Variants in UTRN observed in about 807,000 individuals in gnomAD.
The protein encoded by UTRN is dystrophin-related protein 1.
A neutral mutation model predicts 463.9 loss-of-function variants in UTRN; 283 were observed. That is an observed-to-expected ratio of 0.61 (90% CI 0.55 to 0.67). The LOEUF (loss-of-function observed/expected upper bound fraction) is 0.67. Ranked by LOEUF, UTRN falls within the 30% of genes least tolerant of loss-of-function variation. The pLI is 0.00. For missense variants in UTRN, 3,922 were observed against 4,084.3 expected (o/e 0.96, Z 1.08); for synonymous variants, 1,442 against 1,431.5 (o/e 1.01, Z -0.17).
chr6:144,351,996 T>A (rs1778151581), intron 2 of UTRN, among the ~76,000 whole-genome samples: 1 of 152,220 alleles, frequency 6.6e-6, no homozygotes, highest in Non-Finnish European at 1.5e-5. Context: ...AGTTAGTCAC[T>A]TGGCTTCTGC....
intron 58 of UTRN, among the ~76,000 whole-genome samples, chr6:144,771,580 C>A (rs949789191): frequency 6.6e-6 from 1 of 151,584 alleles, no homozygotes. Context: ...CACCCACCAC[C>A]ATACCTGGCT....
Position 144,836,409 on chromosome 6 carries a change from T to C in UTRN, c.9933T>C (p.Asp3311=). The C allele has an allele frequency of 6.2e-7, 1 of 1,613,346 alleles. No individual in the cohort carries two copies. The highest frequency in any genetic ancestry group is 8.5e-7 in the Non-Finnish European group (1 of 1,179,680). Residue 3311 remains aspartate (D), a synonymous_variant, in exon 71 of 75, where the codon GAT becomes GAC. Coordinates refer to ENST00000367545, the MANE Select transcript of UTRN (RefSeq NM_007124.3). The part of the protein sequence containing the change: ...SIISPHHTSE[D]SELIAEAKLL... Reference sequence around the variant, plus strand: ...TATCTCCCCATCACACGTCTGAGGATTCAGAACTTATAGCAGAAGCAAAAC... The same window carrying C: ...TATCTCCCCATCACACGTCTGAGGACTCAGAACTTATAGCAGAAGCAAAAC...
chr6:144,582,713 T>C (rs1802085124), intron 51 of UTRN, among the ~76,000 whole-genome samples: 1 of 152,236 alleles, frequency 6.6e-6, no homozygotes. Context: ...TCTAATGGCT[T>C]TCCTTCTAGG....
chr6:144,692,537 C>T (rs972029767), intron 52 of UTRN, among the ~76,000 whole-genome samples: 5 of 152,190 alleles, frequency 3.3e-5, no homozygotes, highest in African/African-American at 1.2e-4. Flanking sequence ...TTTTTCTCCT[C>T]AACCTTGTCA....
At chr6:144,827,946 G>C (rs1380709056) in intron 68 of UTRN, among the ~76,000 whole-genome samples, 1 of 152,170 alleles carries the variant, frequency 6.6e-6, no homozygotes, top group African/African-American at 2.4e-5. Flanking sequence ...GCAGGATTTA[G>C]ATGGTGTAAC....
chr6:144,609,561 G>A (rs1306070200), intron 51 of UTRN, among the ~76,000 whole-genome samples: 1 of 152,096 alleles, frequency 6.6e-6, no homozygotes, highest in Non-Finnish European at 1.5e-5. Flanking sequence ...AGAAACTTTG[G>A]ACTTGAATTG....
intron 54 of UTRN, among the ~76,000 whole-genome samples, chr6:144,732,480 G>A (rs1028693116): frequency 4.6e-5 from 7 of 151,662 alleles, no homozygotes; most frequent in Admixed American, 2.6e-4. Context: ...TGTGCAACAC[G>A]TAGTATTTGC....
chr6:144,747,179 A>T (rs1790848612), intron 54 of UTRN, among the ~76,000 whole-genome samples: 1 of 152,210 alleles, frequency 6.6e-6, no homozygotes, highest in Admixed American at 6.5e-5. Flanking sequence ...TGCTAATGTG[A>T]TGTGTACTGA....
intron 2 of UTRN, among the ~76,000 whole-genome samples, chr6:144,308,347 A>T (rs761558125): frequency 5.3e-5 from 8 of 151,756 alleles, no homozygotes; most frequent in Non-Finnish European, 1.0e-4. Flanking sequence ...TAAGCGTCCC[A>T]TTTTTTCGGT....
chr6:144,802,966 A>C (rs1314176195), intron 64 of UTRN, 70 bp from the exon 65 acceptor site: 2 of 1,135,868 alleles, frequency 1.8e-6, no homozygotes, highest in Non-Finnish European at 2.4e-6. Flanking sequence ...GGATGAATGA[A>C]ATTTCTTACC....
At chr6:144,292,339 G>A (rs183012152) in intron 2 of UTRN, among the ~76,000 whole-genome samples, 1 of 152,260 alleles carries the variant, frequency 6.6e-6, no homozygotes, top group East Asian at 1.9e-4. Flanking sequence ...GCCATTGATA[G>A]GCCAACAGGT....
chr6:144,514,678 A>T lies in UTRN; in HGVS notation c.5102A>T (p.Asn1701Ile), dbSNP rs1307415648. 2 of 1,614,078 alleles carry T rather than the reference A, an allele frequency of 1.2e-6. No homozygotes were observed. Among genetic ancestry groups the T allele is most frequent in the Admixed American group, 1.7e-5 (1 of 60,004 alleles). ...TTAGTATCTGAGCTGGATGATGCCAACCTCCAGGTTGAAAATGTCCGCGAT... is the reference window on the plus strand; with the variant it reads ...TTAGTATCTGAGCTGGATGATGCCATCCTCCAGGTTGAAAATGTCCGCGAT... ...KRLVSELDDA[N>I]LQVENVRDQA... Residue 1701 changes from asparagine to isoleucine, a missense_variant, in exon 37 of 75, where the codon AAC (asparagine) becomes ATC (isoleucine). Around this residue, in one of 3 missense-constraint regions of UTRN, gnomAD observed 2,349 missense variants for 2,303.8 expected, o/e 1.02. Coordinates refer to ENST00000367545, the MANE Select transcript of UTRN (RefSeq NM_007124.3).
At chr6:144,385,258 T>C (rs1334014747) in intron 2 of UTRN, among the ~76,000 whole-genome samples, 1 of 152,176 alleles carries the variant, frequency 6.6e-6, no homozygotes, top group African/African-American at 2.4e-5. Flanking sequence ...CAAAGCCATG[T>C]TGACTGTGCA....
intron 53 of UTRN, 39 bp from the exon 54 acceptor site, chr6:144,730,318 G>C (rs114759651): frequency 6.5e-7 from 1 of 1,532,882 alleles, no homozygotes; most frequent in Non-Finnish European, 8.8e-7. Flanking sequence ...TGGTGAACAC[G>C]TGAGGTTACA....
chr6:144,795,488 A>G (rs1586606238), intron 63 of UTRN, among the ~76,000 whole-genome samples: 1 of 152,292 alleles, frequency 6.6e-6, no homozygotes, highest in African/African-American at 2.4e-5. Context: ...ACTCCCACCA[A>G]CAGTGTAAAA....
chr6:144,498,802 G>A (rs1793906819), intron 33 of UTRN, among the ~76,000 whole-genome samples: 1 of 151,864 alleles, frequency 6.6e-6, no homozygotes, highest in Admixed American at 6.6e-5. Flanking sequence ...CTACGAGCAC[G>A]CACCACCATA....
intron 41 of UTRN, among the ~76,000 whole-genome samples, chr6:144,527,025 C>T (rs1796629004): frequency 1.3e-5 from 2 of 152,178 alleles, no homozygotes; most frequent in South Asian, 4.2e-4. Flanking sequence ...ACCTCAAACT[C>T]CTGACCTCAG....
At chr6:144,504,864 A>G (rs149313980) in intron 34 of UTRN, among the ~76,000 whole-genome samples, 113 of 152,326 alleles carry the variant, frequency 7.4e-4, no homozygotes, top group African/African-American at 2.6e-3. Flanking sequence ...CTCTGGTAGA[A>G]TTCAGCTGTG....
chr6:144,835,799 A>G lies in UTRN; in HGVS notation c.9685A>G (p.Ile3229Val), dbSNP rs1469653113. The change falls in exon 70 of 75, where the codon ATC becomes GTC. Residue 3229 changes from isoleucine to valine, a missense_variant. Physicochemically the swap from Ile to Val is conservative, Grantham distance 29 (BLOSUM62 3). Around this residue, in one of 3 missense-constraint regions of UTRN, gnomAD observed 1,309 missense variants for 1,452.6 expected, o/e 0.90. Transcript: ENST00000367545. ...TGCTAGGGAAGACGAGCACGCCCTC[A>G]TCCAGCAGTATTGCCAAACACTCGG... is the stretch of plus-strand genomic sequence containing the variant. ...TGSVEDEHAL[I>V]QQYCQTLGGE... 6.2e-7 allele frequency: 1 copy of G among 1,613,940 alleles called. No homozygotes were observed. The highest frequency in any genetic ancestry group is 8.5e-7 in the Non-Finnish European group (1 of 1,179,976).
Sources: allele counts gnomAD v4.1 joint callset (sites outside exome capture counted in the v4.1 genomes callset), GRCh38; gene constraint gnomAD v4.1.1; regional missense constraint gnomAD v4.1.1; transcripts MANE v1.5; gene names NCBI Gene and HGNC (gene_info 2026-07-23, HGNC 2026-07-21).